The following IRAG1 variants were observed in gnomAD, a reference collection of about 807,000 sequenced individuals.
The protein encoded by IRAG1 is inositol 1,4,5-triphosphate receptor associated 1, also known as IP3R-associated cGMP kinase substrate.
IRAG1 carries 62 observed loss-of-function variants against 106.2 expected under a neutral mutation model. That is an observed-to-expected ratio of 0.58 (90% confidence interval 0.48 to 0.72). IRAG1 has a LOEUF of 0.72. Ranked by LOEUF, IRAG1 falls within the 30% of genes least tolerant of loss-of-function variation. IRAG1 has a pLI of 0.00. For missense variants in IRAG1, 1,064 were observed against 1,140.7 expected (o/e 0.93, Z 0.97); for synonymous variants, 462 against 443.9 (o/e 1.04, Z -0.51).
At chr11:10,678,762 G>A (rs771259872) in intron 1 of IRAG1, among the ~76,000 whole-genome samples, 1 of 152,182 alleles carries the variant, frequency 6.6e-6, no homozygotes, top group Admixed American at 6.5e-5. Context: ...CTACCAGTTG[G>A]CACCTCATTT....
At chr11:10,613,900 G>T (rs778954890) in intron 10 of IRAG1, among the ~76,000 whole-genome samples, 5 of 152,102 alleles carry the variant, frequency 3.3e-5, no homozygotes, top group Non-Finnish European at 7.3e-5. Flanking sequence ...TCTCCTTCAA[G>T]TGTGTCTTTG....
At chr11:10,682,575 G>A (rs1299976565) in intron 1 of IRAG1, among the ~76,000 whole-genome samples, 1 of 152,108 alleles carries the variant, frequency 6.6e-6, no homozygotes, top group Admixed American at 6.5e-5. Flanking sequence ...ATAACTGCAA[G>A]GAAATGGGGC....
intron 19 of IRAG1, 91 bp downstream of exon 19, chr11:10,581,776 C>A: frequency 6.7e-7 from 1 of 1,499,356 alleles, no homozygotes; most frequent in Admixed American, 2.2e-5. Context: ...CTGGTTACTT[C>A]CCTAAAGCCT....
intron 4 of IRAG1, among the ~76,000 whole-genome samples, chr11:10,630,367 C>CTT (rs55806146): frequency 6.3e-5 from 9 of 143,162 alleles, no homozygotes; most frequent in South Asian, 2.2e-4. Flanking sequence ...CTCATTAGCT[C>CTT]TTTTTTTTTT....
intron 1 of IRAG1, among the ~76,000 whole-genome samples, chr11:10,652,983 G>A (rs988982208): frequency 2.4e-4 from 36 of 152,156 alleles, no homozygotes; most frequent in African/African-American, 8.2e-4. Context: ...CTTCCCCATG[G>A]TGCAGCAGCC....
At chr11:10,688,261 C>T (rs1027334964) in intron 1 of IRAG1, among the ~76,000 whole-genome samples, 2 of 152,146 alleles carry the variant, frequency 1.3e-5, no homozygotes, top group Non-Finnish European at 2.9e-5. Flanking sequence ...AGGGTCCACA[C>T]TTTCCATAGG....
At chr11:10,631,352 C>G (rs1204211354) in intron 4 of IRAG1, among the ~76,000 whole-genome samples, 1 of 152,198 alleles carries the variant, frequency 6.6e-6, no homozygotes. Flanking sequence ...GCCTTTCCTC[C>G]CTCGCCTATC....
intron 4 of IRAG1, 56 bp downstream of exon 4, chr11:10,631,935 C>T (rs1257483297): frequency 6.7e-7 from 1 of 1,488,176 alleles, no homozygotes; most frequent in Non-Finnish European, 9.4e-7. Context: ...CAAGCCCAGC[C>T]ACGCTGCCAG....
chr11:10,676,719 C>A (rs1860707341), intron 1 of IRAG1, among the ~76,000 whole-genome samples: 1 of 152,212 alleles, frequency 6.6e-6, no homozygotes, highest in African/African-American at 2.4e-5. Context: ...GACCGTGGAT[C>A]CAGCCATGTC....
intron 10 of IRAG1, among the ~76,000 whole-genome samples, chr11:10,616,805 T>G (rs1855470060): frequency 6.6e-6 from 1 of 152,224 alleles, no homozygotes; most frequent in African/African-American, 2.4e-5. Context: ...ACTTTCTTCC[T>G]TGTATTTTTC....
At chr11:10,624,400 A>C (rs969612793) in intron 9 of IRAG1, among the ~76,000 whole-genome samples, 2 of 151,886 alleles carry the variant, frequency 1.3e-5, no homozygotes, top group African/African-American at 4.8e-5. Context: ...AACTCTCCAG[A>C]AAAGTGAGGC....
At chr11:10,631,170 G>A (rs1856663825) in intron 4 of IRAG1, among the ~76,000 whole-genome samples, 1 of 152,214 alleles carries the variant, frequency 6.6e-6, no homozygotes, top group Admixed American at 6.5e-5. Flanking sequence ...AGCACTACCT[G>A]AAATCACAAG....
At chr11:10,648,763 T>A (rs1206474910) in intron 2 of IRAG1, among the ~76,000 whole-genome samples, 1 of 152,170 alleles carries the variant, frequency 6.6e-6, no homozygotes, top group African/African-American at 2.4e-5. Flanking sequence ...ATTAAGGACC[T>A]GAAGAGTACG....
intron 2 of IRAG1, among the ~76,000 whole-genome samples, chr11:10,651,294 G>C (rs1858480532): frequency 6.6e-6 from 1 of 152,194 alleles, no homozygotes; most frequent in Admixed American, 6.5e-5. Flanking sequence ...AGATCCTTGG[G>C]GAAATGGATG....
chr11:10,591,613 C>G lies in IRAG1; in HGVS notation c.2176-1G>C. 6.3e-7 allele frequency: 1 copy of G among 1,590,284 alleles called. No homozygotes were observed. The highest frequency in any genetic ancestry group is 8.6e-7 in the Non-Finnish European group (1 of 1,168,234). On this transcript the variant is annotated splice_acceptor_variant, in intron 17 of 20. Coordinates refer to ENST00000423302, the MANE Select transcript of IRAG1 (RefSeq NM_130385.4). LOFTEE classifies it high-confidence loss of function. Reference sequence around the variant, plus strand: ...TGCCTTTCCCATTGGGTGATTCCGACTGAGTGAAAAACAGAAGACAGAGAA... The same window carrying G: ...TGCCTTTCCCATTGGGTGATTCCGAGTGAGTGAAAAACAGAAGACAGAGAA...
At position 10,607,413 on chromosome 11, in the gene IRAG1, C is replaced by A. The variant is rs528910286; in HGVS notation, c.1572-641G>T. On this transcript the variant is annotated intron_variant, in intron 11 of 20. Coordinates refer to ENST00000423302, the MANE Select transcript of IRAG1 (RefSeq NM_130385.4). ...TCACAGAGTGGCAAGAAAGCCCCAG[C>A]CGACACAGAGGCATCCTTTTGAGCA... Among the ~76,000 whole-genome samples the A allele has an allele frequency of 2.0e-5, 3 of 152,296 alleles. 1 individual carries two copies. Among genetic ancestry groups the A allele is most frequent in the African/African-American group, 7.2e-5 (3 of 41,574 alleles).
intron 10 of IRAG1, among the ~76,000 whole-genome samples, chr11:10,620,655 G>C (rs1855766736): frequency 6.6e-6 from 1 of 152,118 alleles, no homozygotes; most frequent in African/African-American, 2.4e-5. Context: ...ACTATATTCT[G>C]AATAATAAGG....
chr11:10,592,071 A>G (rs1358074961), intron 17 of IRAG1, among the ~76,000 whole-genome samples: 2 of 152,208 alleles, frequency 1.3e-5, no homozygotes, highest in Admixed American at 1.3e-4. Context: ...TGAAAGCTCA[A>G]ACCATCAGAA....
chr11:10,677,551 A>G (rs1375682622), intron 1 of IRAG1, among the ~76,000 whole-genome samples: 1 of 151,036 alleles, frequency 6.6e-6, no homozygotes, highest in East Asian at 1.9e-4. Flanking sequence ...ACTCTAGGAG[A>G]GGGGTGCCTA....
Sources: allele counts gnomAD v4.1 joint callset (sites outside exome capture counted in the v4.1 genomes callset), GRCh38; gene constraint gnomAD v4.1.1; transcripts MANE v1.5; gene names NCBI Gene and HGNC (gene_info 2026-07-23, HGNC 2026-07-21).